LRMDA: variants seen among roughly 807,000 people sequenced by gnomAD.
The protein encoded by LRMDA is leucine rich melanocyte differentiation associated, also known as leucine-rich melanocyte differentiation-associated protein.
LRMDA carries 18 observed loss-of-function variants against 29.8 expected under a neutral mutation model. The observed-to-expected ratio is 0.60, with a 90% CI of 0.42 to 0.90. LRMDA has a LOEUF of 0.90. Ranked by LOEUF, LRMDA falls within the 40% of genes least tolerant of loss-of-function variation. The probability of loss-of-function intolerance (pLI) is 0.00; values close to 1 mark genes in which losing one functional copy is unlikely to be tolerated. For synonymous variants in LRMDA, 125 were observed against 109.4 expected, an observed-to-expected ratio of 1.14 and a Z score of -0.89; for missense variants, 273 against 273.9, an observed-to-expected ratio of 1.00 and a Z score of 0.02.
intron 6 of LRMDA, among the ~76,000 whole-genome samples, chr10:76,514,174 GTTGA>G (rs1303754323): frequency 2.0e-5 from 3 of 152,114 alleles, no homozygotes; most frequent in Non-Finnish European, 2.9e-5. Context: ...TTCAACTTAG[GTTGA>G]TTAAGTCTAT....
At chr10:75,698,684 G>A (rs1363285757) in intron 2 of LRMDA, among the ~76,000 whole-genome samples, 1 of 149,120 alleles carries the variant, frequency 6.7e-6, no homozygotes, top group Non-Finnish European at 1.5e-5. Context: ...TTTGTCTTCA[G>A]CATTTTGTAA....
chr10:75,576,409 G>A (rs1840506511), intron 2 of LRMDA, among the ~76,000 whole-genome samples: 2 of 152,232 alleles, frequency 1.3e-5, no homozygotes, highest in Admixed American at 1.3e-4. Flanking sequence ...CCCTGCAACA[G>A]GGCACCTGGG....
At chr10:75,956,947 C>T (rs112613479) in intron 2 of LRMDA, among the ~76,000 whole-genome samples, 10 of 152,364 alleles carry the variant, frequency 6.6e-5, no homozygotes, top group African/African-American at 1.9e-4. Flanking sequence ...AGTTACTTGT[C>T]TGCCACAACT....
At chr10:75,571,086 A>T (rs1345837924) in intron 2 of LRMDA, among the ~76,000 whole-genome samples, 4 of 152,042 alleles carry the variant, frequency 2.6e-5, no homozygotes, top group Non-Finnish European at 4.4e-5. Flanking sequence ...GCATAATTTG[A>T]CCCCATGGTT....
intron 2 of LRMDA, among the ~76,000 whole-genome samples, chr10:75,598,531 T>C (rs1042279119): frequency 6.6e-6 from 1 of 151,986 alleles, no homozygotes; most frequent in African/African-American, 2.4e-5. Flanking sequence ...TCTACTTCAA[T>C]TATTTAAAGA....
intron 2 of LRMDA, among the ~76,000 whole-genome samples, chr10:75,920,674 C>T (rs1215069124): frequency 6.6e-6 from 1 of 152,126 alleles, no homozygotes; most frequent in Admixed American, 6.5e-5. Flanking sequence ...CCTCCTTCTT[C>T]TCTGGCTCTC....
chr10:75,486,861 A>C (rs1844921519), intron 2 of LRMDA, among the ~76,000 whole-genome samples: 2 of 152,174 alleles, frequency 1.3e-5, no homozygotes, highest in African/African-American at 4.8e-5. Flanking sequence ...GCAGTGGAGG[A>C]TAGCACGTGA....
intron 2 of LRMDA, among the ~76,000 whole-genome samples, chr10:75,542,480 T>C (rs1373602682): frequency 6.6e-6 from 1 of 152,176 alleles, no homozygotes; most frequent in Non-Finnish European, 1.5e-5. Flanking sequence ...TTGTGATTGA[T>C]GCTCTGTCTC....
intron 2 of LRMDA, among the ~76,000 whole-genome samples, chr10:75,894,123 C>G (rs940295322): frequency 3.3e-5 from 5 of 151,588 alleles, no homozygotes; most frequent in African/African-American, 1.2e-4. Context: ...TTTGGTGCAC[C>G]CATCACCTGA....
At chr10:75,576,226 C>T (rs1174839367) in intron 2 of LRMDA, among the ~76,000 whole-genome samples, 1 of 152,186 alleles carries the variant, frequency 6.6e-6, no homozygotes, top group East Asian at 1.9e-4. Context: ...GGTGGTTTTG[C>T]CCTCACAGTG....
intron 6 of LRMDA, among the ~76,000 whole-genome samples, chr10:76,521,524 C>T (rs1403723867): frequency 6.6e-6 from 1 of 152,196 alleles, no homozygotes; most frequent in Non-Finnish European, 1.5e-5. Context: ...TGTCCCTTAT[C>T]ATAAAAAGCT....
chr10:75,973,964 C>T (rs538686344), intron 2 of LRMDA, among the ~76,000 whole-genome samples: 2 of 152,288 alleles, frequency 1.3e-5, no homozygotes, highest in East Asian at 3.9e-4. Context: ...TGGAGCCAAA[C>T]TTACCTATTG....
intron 2 of LRMDA, among the ~76,000 whole-genome samples, chr10:75,885,565 G>C (rs1845374115): frequency 6.6e-6 from 1 of 152,180 alleles, no homozygotes; most frequent in Non-Finnish European, 1.5e-5. Context: ...TGTGGAAATG[G>C]AAGTGATGGC....
At chr10:75,509,845 A>T (rs908665875) in intron 2 of LRMDA, among the ~76,000 whole-genome samples, 2 of 152,162 alleles carry the variant, frequency 1.3e-5, no homozygotes, top group African/African-American at 4.8e-5. Flanking sequence ...GTGTGGATGA[A>T]CTTACAGCCC....
chr10:76,059,531 G>A (rs951243139), intron 5 of LRMDA, among the ~76,000 whole-genome samples: 4 of 152,134 alleles, frequency 2.6e-5, no homozygotes, highest in African/African-American at 4.8e-5. Context: ...GAATGGACTC[G>A]GTGACCCCTG....
intron 2 of LRMDA, among the ~76,000 whole-genome samples, chr10:75,973,271 A>G (rs1449790529): frequency 6.6e-6 from 1 of 152,218 alleles, no homozygotes; most frequent in Non-Finnish European, 1.5e-5. Context: ...CAGAGCTGGG[A>G]TTCAAACTCA....
chr10:75,927,379 G>A (rs1410096377), intron 2 of LRMDA, among the ~76,000 whole-genome samples: 1 of 152,098 alleles, frequency 6.6e-6, no homozygotes, highest in African/African-American at 2.4e-5. Flanking sequence ...TCCTTCACTT[G>A]TTCGTTCCAT....
intron 2 of LRMDA, among the ~76,000 whole-genome samples, chr10:75,835,416 C>T (rs1034744250): frequency 3.3e-5 from 5 of 152,208 alleles, no homozygotes; most frequent in Non-Finnish European, 7.3e-5. Flanking sequence ...CCCAGATAAT[C>T]TAGGGTAATC....
chr10:75,453,862 G>A (rs1844486516), intron 2 of LRMDA, among the ~76,000 whole-genome samples: 1 of 152,168 alleles, frequency 6.6e-6, no homozygotes, highest in African/African-American at 2.4e-5. Flanking sequence ...TGACACCTGT[G>A]TAACAAAAGA....
Sources: allele counts gnomAD v4.1 joint callset (sites outside exome capture counted in the v4.1 genomes callset), GRCh38; gene constraint gnomAD v4.1.1; transcripts MANE v1.5; gene names NCBI Gene and HGNC (gene_info 2026-07-23, HGNC 2026-07-21).